Variants in TNIK observed in about 807,000 individuals in gnomAD.
TNIK encodes TRAF2 and NCK interacting kinase, also known as TRAF2 and NCK-interacting protein kinase.
Under a neutral mutation model 191.3 loss-of-function variants are expected in TNIK, and 49 were observed. The ratio of observed to expected loss-of-function variants is 0.26; its 90% confidence interval spans 0.20 to 0.32. TNIK has a LOEUF of 0.32. Among genes scored for constraint, TNIK ranks in the 10% least tolerant of loss-of-function variants. The pLI, the probability that TNIK is intolerant of heterozygous loss-of-function variation, is 1.00. For synonymous variants in TNIK, 594 were observed against 600.9 expected (o/e 0.99, Z 0.17); for missense variants, 1,155 against 1,702.3 (o/e 0.68, Z 5.66).
intron 1 of TNIK, among the ~76,000 whole-genome samples, chr3:171,371,545 G>A (rs1392358115): frequency 1.3e-5 from 2 of 152,168 alleles, no homozygotes; most frequent in African/African-American, 4.8e-5. Flanking sequence ...AGAAGTTCCA[G>A]TTATGCCCCA....
intron 1 of TNIK, among the ~76,000 whole-genome samples, chr3:171,409,558 A>G (rs1046192472): frequency 6.6e-6 from 1 of 151,996 alleles, no homozygotes; most frequent in East Asian, 1.9e-4. Context: ...ACTCCCAACT[A>G]TGTAAACTCT....
chr3:171,287,859 A>T (rs1399103069), intron 2 of TNIK, among the ~76,000 whole-genome samples: 1 of 152,146 alleles, frequency 6.6e-6, no homozygotes, highest in African/African-American at 2.4e-5. Flanking sequence ...CTATAAAGAC[A>T]CATGCACACG....
At chr3:171,171,726 G>A (rs1231304743) in intron 9 of TNIK, among the ~76,000 whole-genome samples, 1 of 152,192 alleles carries the variant, frequency 6.6e-6, no homozygotes, top group East Asian at 1.9e-4. Context: ...GTGTGGATGA[G>A]CAGGGTGGCA....
chr3:171,169,456 C>T (rs1183484659), intron 9 of TNIK, among the ~76,000 whole-genome samples: 1 of 152,024 alleles, frequency 6.6e-6, no homozygotes, highest in Non-Finnish European at 1.5e-5. Context: ...TTAGTAGAGA[C>T]AGGGTTTTGC....
chr3:171,175,424 CCA>C, intron 8 of TNIK, 94 bp from the exon 9 acceptor site: 1 of 1,027,874 alleles, frequency 9.7e-7, no homozygotes, highest in Non-Finnish European at 1.4e-6. Flanking sequence ...GCCCAATGAC[CCA>C]CTCAGTTTAC....
chr3:171,097,432 G>T (rs1722874200), intron 22 of TNIK, among the ~76,000 whole-genome samples: 1 of 152,180 alleles, frequency 6.6e-6, no homozygotes, highest in South Asian at 2.1e-4. Context: ...TGGTTGATAT[G>T]GTGTGGCCAT....
intron 2 of TNIK, chr3:171,347,057 G>T: frequency 1.5e-6 from 2 of 1,367,378 alleles, no homozygotes; most frequent in Non-Finnish European, 2.0e-6. Context: ...GCCTGTGCTA[G>T]GACAGTGGTG....
intron 15 of TNIK, among the ~76,000 whole-genome samples, chr3:171,136,230 G>T (rs1729959087): frequency 6.6e-6 from 1 of 152,204 alleles, no homozygotes; most frequent in African/African-American, 2.4e-5. Flanking sequence ...AAGCCAAGTG[G>T]TCATGCATCA....
At chr3:171,241,762 C>A (rs1745013515) in intron 2 of TNIK, among the ~76,000 whole-genome samples, 1 of 152,100 alleles carries the variant, frequency 6.6e-6, no homozygotes, top group South Asian at 2.1e-4. Flanking sequence ...GACTTGGAAC[C>A]AACCCAAATG....
chr3:171,199,212 A>G (rs1006564715), intron 4 of TNIK, among the ~76,000 whole-genome samples: 1 of 151,664 alleles, frequency 6.6e-6, no homozygotes, highest in African/African-American at 2.4e-5. Flanking sequence ...ATTTAAAAAA[A>G]AAAAAGAAAA....
At chr3:171,219,068 TA>T (rs369282831) in intron 3 of TNIK, among the ~76,000 whole-genome samples, 2 of 46,092 alleles carry the variant, frequency 4.3e-5, no homozygotes, top group African/African-American at 1.6e-4. Context: ...ATATATTAAA[TA>T]TATAAATATA....
intron 5 of TNIK, among the ~76,000 whole-genome samples, chr3:171,194,034 G>C (rs1485388855): frequency 6.6e-6 from 1 of 152,116 alleles, no homozygotes; most frequent in South Asian, 2.1e-4. Context: ...GGTTAAACTA[G>C]GTTGTATGTA....
chr3:171,115,753 T>C (rs1232500309), intron 18 of TNIK, among the ~76,000 whole-genome samples: 5 of 152,092 alleles, frequency 3.3e-5, no homozygotes, highest in Admixed American at 6.5e-5. Context: ...TAGAGGAGAA[T>C]GTGTACCTCC....
At chr3:171,193,998 C>G (rs1366559008) in intron 5 of TNIK, among the ~76,000 whole-genome samples, 1 of 151,976 alleles carries the variant, frequency 6.6e-6, no homozygotes, top group Non-Finnish European at 1.5e-5. Flanking sequence ...GATTAGGTCA[C>G]AAAGATTTTT....
rs1274241429 is a variant in TNIK at position 171,062,052 on chromosome 3, C to G, written c.*1829G>C. Reference sequence around the variant, plus strand: ...ACTAGAATGTTTCCCCTTCTCTTCCCCATCTTGCCCAAACCACTAGATTGA... The same window carrying G: ...ACTAGAATGTTTCCCCTTCTCTTCCGCATCTTGCCCAAACCACTAGATTGA... On this transcript the variant is annotated 3_prime_UTR_variant, in exon 33 of 33. Transcript: ENST00000436636. 1 of 152,142 alleles carries G rather than the reference C, an allele frequency of 6.6e-6. No individual in the cohort carries two copies. The highest frequency in any genetic ancestry group is 1.9e-4 in the East Asian group (1 of 5,196). 9.4% of individuals were successfully genotyped at this position (152,142 alleles called of 1,614,324 possible).
intron 21 of TNIK, among the ~76,000 whole-genome samples, chr3:171,103,531 G>A (rs1211939733): frequency 6.6e-6 from 1 of 151,944 alleles, no homozygotes; most frequent in Non-Finnish European, 1.5e-5. Flanking sequence ...ATTTGTTAAG[G>A]CTATGAAAGA....
intron 3 of TNIK, among the ~76,000 whole-genome samples, chr3:171,222,561 T>A (rs150495105): frequency 0.023 from 3,523 of 152,246 alleles, 63 homozygotes; most frequent in Non-Finnish European, 0.031. Context: ...AAGAACCAAA[T>A]GTACTTGGAA....
At chr3:171,101,245 C>T (rs984238124) in intron 22 of TNIK, among the ~76,000 whole-genome samples, 3 of 151,914 alleles carry the variant, frequency 2.0e-5, no homozygotes, top group Non-Finnish European at 4.4e-5. Context: ...GTATGCAGTC[C>T]AAAAATGCTA....
chr3:171,411,930 G>A (rs1057158130), intron 1 of TNIK, among the ~76,000 whole-genome samples: 1 of 152,156 alleles, frequency 6.6e-6, no homozygotes. Flanking sequence ...ACCAAGCCCT[G>A]TAGGAACTGG....
Sources: gnomAD v4.1 joint callset for allele counts (sites outside exome capture counted in the v4.1 genomes callset) on GRCh38, gnomAD v4.1.1 for gene constraint, MANE v1.5 for transcripts, NCBI Gene and HGNC (gene_info 2026-07-23, HGNC 2026-07-21) for gene names.